Variants in SNRNP40 observed in about 807,000 individuals in gnomAD.
The protein encoded by SNRNP40 is U5 small nuclear ribonucleoprotein 40 kDa protein.
SNRNP40 carries 21 observed loss-of-function variants against 45.8 expected under a neutral mutation model. That is an observed-to-expected ratio of 0.46 (90% CI 0.32 to 0.66). The LOEUF (loss-of-function observed/expected upper bound fraction) is 0.66, where lower values mean the gene tolerates loss of function less well. SNRNP40 is among the 30% of genes least tolerant of loss of function. The pLI is 0.03. For synonymous variants in SNRNP40, 142 were observed against 163.8 expected (o/e 0.87, Z 1.01); for missense variants, 344 against 439.1 (o/e 0.78, Z 1.94).
At chr1:31,284,384 A>T (rs1441834795) in intron 4 of SNRNP40, among the ~76,000 whole-genome samples, 1 of 152,198 alleles carries the variant, frequency 6.6e-6, no homozygotes, top group Non-Finnish European at 1.5e-5. Context: ...TCCTGACCTC[A>T]GGTGATCCAC....
At chr1:31,288,486 G>C (rs1646077908) in intron 4 of SNRNP40, among the ~76,000 whole-genome samples, 1 of 152,146 alleles carries the variant, frequency 6.6e-6, no homozygotes, top group African/African-American at 2.4e-5. Flanking sequence ...TAAAATATCT[G>C]ATTCCCATTG....
chr1:31,277,351 T>C (rs1645982785), intron 5 of SNRNP40, among the ~76,000 whole-genome samples: 1 of 152,246 alleles, frequency 6.6e-6, no homozygotes, highest in African/African-American at 2.4e-5. Flanking sequence ...TTTTTATAAT[T>C]CTTTTACATT....
At position 31,271,658 on chromosome 1, in the gene SNRNP40, A is replaced by ATT. The variant is rs113021667; in HGVS notation, c.655-161_655-160dup. ...AGAAAAACACCTTTTTTTAATTTTC[A>ATT]TTTTTTTTTTGAGACAGCGTCTCAC... On this transcript the variant is annotated intron_variant, in intron 5 of 9. Transcript: ENST00000263694. 3.2e-3 allele frequency among the ~76,000 whole-genome samples: 474 copies of ATT among 150,282 alleles called. 3 individuals are homozygous for ATT. The highest frequency in any genetic ancestry group is 8.7e-3 in the Admixed American group (131 of 15,132).
chr1:31,276,533 T>G (rs541148347), intron 5 of SNRNP40, among the ~76,000 whole-genome samples: 42 of 150,774 alleles, frequency 2.8e-4, no homozygotes, highest in African/African-American at 9.8e-4. Flanking sequence ...GTCACAGCAA[T>G]GCATCAAAGG....
chr1:31,262,675 G>T (rs1048783244), intron 8 of SNRNP40, among the ~76,000 whole-genome samples: 1 of 151,324 alleles, frequency 6.6e-6, no homozygotes, highest in African/African-American at 2.4e-5. Flanking sequence ...CAAAAAAAAA[G>T]AGCTTATTAG....
intron 7 of SNRNP40, among the ~76,000 whole-genome samples, 160 bp from the exon 8 acceptor site, chr1:31,268,092 T>A (rs1486505502): frequency 1.1e-4 from 17 of 152,174 alleles, no homozygotes; most frequent in Non-Finnish European, 2.4e-4. Flanking sequence ...CAAAACAGCA[T>A]ACTTTGTTAT....
At chr1:31,290,965 G>GA (rs1054825800) in intron 3 of SNRNP40, among the ~76,000 whole-genome samples, 24 of 151,988 alleles carry the variant, frequency 1.6e-4, no homozygotes, top group Admixed American at 5.9e-4. Context: ...GTTCTGAGTA[G>GA]AAAAAAAGGC....
At chr1:31,284,601 A>T (rs1646042624) in intron 4 of SNRNP40, among the ~76,000 whole-genome samples, 1 of 152,244 alleles carries the variant, frequency 6.6e-6, no homozygotes, top group African/African-American at 2.4e-5. Context: ...GGGTCGTTTC[A>T]TTCAGAAGAA....
chr1:31,260,261 C>T (rs1186181093), intron 9 of SNRNP40, 140 bp from the exon 10 acceptor site: 1 of 563,688 alleles, frequency 1.8e-6, no homozygotes, highest in East Asian at 3.0e-5. Flanking sequence ...ACACCATCCA[C>T]AGGAAATTGT....
At chr1:31,261,128 G>C in intron 9 of SNRNP40, 1 of 696,698 alleles carries the variant, frequency 1.4e-6, no homozygotes, top group Non-Finnish European at 2.2e-6. Flanking sequence ...ATTACTGGAC[G>C]TCAGGAGTTC....
chr1:31,288,153 A>G (rs955868430), intron 4 of SNRNP40, among the ~76,000 whole-genome samples: 3 of 149,948 alleles, frequency 2.0e-5, no homozygotes, highest in Non-Finnish European at 3.0e-5. Flanking sequence ...ATAGAGCAAG[A>G]CCCTGTCTCA....
At chr1:31,263,535 C>T in intron 8 of SNRNP40, 1 of 415,866 alleles carries the variant, frequency 2.4e-6, no homozygotes, top group South Asian at 1.8e-5. Context: ...GTTCCTAATC[C>T]TCTGAGCCAA....
chr1:31,260,297 C>T (rs972458510), intron 9 of SNRNP40, among the ~76,000 whole-genome samples, 176 bp from the exon 10 acceptor site: 3 of 152,120 alleles, frequency 2.0e-5, no homozygotes, highest in Non-Finnish European at 2.9e-5. Context: ...TCCAAGTCCT[C>T]TAATATCATG....
At position 31,271,375 on chromosome 1, in the gene SNRNP40, T is replaced by C. The variant is rs1313328947; in HGVS notation, c.775+4A>G. 2 of 1,600,084 alleles carry C rather than the reference T, an allele frequency of 1.2e-6. No individual in the cohort carries two copies. Among genetic ancestry groups the C allele is most frequent in the South Asian group, 2.3e-5 (2 of 87,756 alleles). ...CCTGGGAGAGATTTCCTTTCCAAAG[T>C]TACCTGTATTGTCCATTGCATTGGA... is the stretch of plus-strand genomic sequence containing the variant. On this transcript the variant is annotated splice_donor_region_variant and intron_variant, in intron 6 of 9. Coordinates refer to ENST00000263694, the MANE Select transcript of SNRNP40 (RefSeq NM_004814.3).
chr1:31,285,476 T>C (rs1451679817), intron 4 of SNRNP40, among the ~76,000 whole-genome samples: 1 of 152,096 alleles, frequency 6.6e-6, no homozygotes, highest in Non-Finnish European at 1.5e-5. Context: ...CGACCTCAAG[T>C]GATCCACCTG....
In SNRNP40 at chr1:31,291,976, T is replaced by G. The variant is rs528743477; in HGVS notation, c.302A>C (p.Asn101Thr). The stretch of plus-strand genomic sequence containing the variant: ...ACTGTGTCCCTTCAGTGTGGCATAG[T>G]TATCACAGTCACCATAGACATTCCA... The part of the protein sequence containing the change: ...LLWNVYGDCD[N>T]YATLKGHSGA... Residue 101 changes from asparagine (N) to threonine (T), a missense_variant, in exon 3 of 10, where the codon AAC (asparagine) becomes ACC (threonine). Asn to Thr is a moderately conservative substitution (Grantham distance 65, BLOSUM62 0). Around this residue, in one of 2 missense-constraint regions of SNRNP40, gnomAD observed 254 missense variants for 380.2 expected, o/e 0.67. Coordinates refer to ENST00000263694, the MANE Select transcript of SNRNP40 (RefSeq NM_004814.3). 6.2e-7 allele frequency: 1 copy of G among 1,612,974 alleles called. No individual in the cohort carries two copies. Among genetic ancestry groups the G allele is most frequent in the African/African-American group, 1.3e-5 (1 of 75,026 alleles).
At chr1:31,262,918 A>AT (rs1440354713) in intron 8 of SNRNP40, among the ~76,000 whole-genome samples, 7 of 151,374 alleles carry the variant, frequency 4.6e-5, no homozygotes, top group Admixed American at 4.6e-4. Flanking sequence ...GGGAGGACTG[A>AT]TTGAGTCCAG....
rs10694913 is a variant in SNRNP40, at chr1:31,285,242, C to CT, written c.532-3747dup. On this transcript the variant is annotated intron_variant, in intron 4 of 9. Coordinates refer to ENST00000263694, the MANE Select transcript of SNRNP40 (RefSeq NM_004814.3). ...AGTTGCTTACCCAATGCCTTATCACCTTTTTTTTTTTTTTGAGATGGGAGT... is the reference window on the plus strand; with the variant it reads ...AGTTGCTTACCCAATGCCTTATCACCTTTTTTTTTTTTTTTGAGATGGGAGT... Among the ~76,000 whole-genome samples the CT allele has an allele frequency of 1.3e-3, 178 of 139,294 alleles. 19 individuals carry two copies. Among genetic ancestry groups the CT allele is most frequent in the Middle Eastern group, 7.6e-3 (2 of 264 alleles). 91.4% of individuals were successfully genotyped at this position (139,294 alleles called of 152,430 possible).
chr1:31,290,603 T>C (rs12406196), intron 3 of SNRNP40, among the ~76,000 whole-genome samples: 23,086 of 152,086 alleles, frequency 0.15, 2,421 homozygotes, highest in East Asian at 0.42. Flanking sequence ...TCTGGCCAGG[T>C]GCGGTGGCTC....
Sources: allele counts gnomAD v4.1 joint callset (sites outside exome capture counted in the v4.1 genomes callset), GRCh38; gene constraint gnomAD v4.1.1; regional missense constraint gnomAD v4.1.1; transcripts MANE v1.5; gene names NCBI Gene and HGNC (gene_info 2026-07-23, HGNC 2026-07-21).